Variants in MGST1 observed in about 807,000 individuals in gnomAD.
MGST1 encodes the protein glutathione S-transferase 12.
In MGST1, 5 loss-of-function variants were observed where a neutral mutation model predicts 8.9. That is an observed-to-expected ratio of 0.56 (90% CI 0.29 to 1.19). MGST1 has a LOEUF of 1.19. Among genes scored for constraint, MGST1 ranks in the 50% most tolerant of loss-of-function variants. The probability of loss-of-function intolerance (pLI) is 0.08; values close to 1 mark genes in which losing one functional copy is unlikely to be tolerated. For missense variants in MGST1, 182 were observed against 187.4 expected (o/e 0.97, Z 0.17); for synonymous variants, 54 against 67.8 (o/e 0.80, Z 1.00).
At position 16,363,561 on chromosome 12, in the gene MGST1, C is replaced by T; in HGVS notation, c.222-234C>T. 1 of 299,210 alleles carries T rather than the reference C, an allele frequency of 3.3e-6. No homozygotes were observed. The allele number at this position is 299,210 out of a possible 1,614,324, so 18.5% of individuals were successfully genotyped here. A position where few individuals can be genotyped will look rare whatever the true frequency, so the allele number is the denominator to read the frequency against. On this transcript the variant is annotated intron_variant, in intron 3 of 3. Coordinates refer to ENST00000396210, the MANE Select transcript of MGST1 (RefSeq NM_020300.5). This position sits in a 1 kb window ranked among gnomAD's most constrained non-coding sequence, Gnocchi z 4.6. ...TGATATTCTAGGAACTACAAAATGCCTTCTGTGATATTTAAAGATACACTA... is the reference window on the plus strand; with the variant it reads ...TGATATTCTAGGAACTACAAAATGCTTTCTGTGATATTTAAAGATACACTA...
At chr12:16,349,990 C>T (rs1229364493) in intron 1 of MGST1, among the ~76,000 whole-genome samples, 1 of 152,098 alleles carries the variant, frequency 6.6e-6, no homozygotes, top group African/African-American at 2.4e-5. Context: ...GTGATCTGCC[C>T]GCCTCCGGCT....
chr12:16,521,532 A>G (rs1242021896), intron 4 of MGST1, among the ~76,000 whole-genome samples: 1 of 152,100 alleles, frequency 6.6e-6, no homozygotes, highest in Admixed American at 6.6e-5. Flanking sequence ...AATTCAATAC[A>G]TTTTACCCTA....
At chr12:16,400,559 T>C in intron 1 of MGST1, 1 of 900,254 alleles carries the variant, frequency 1.1e-6, no homozygotes. Flanking sequence ...TCTTTAATAA[T>C]TCGGAAAGCA....
chr12:16,509,832 G>T (rs557914322), intron 4 of MGST1, among the ~76,000 whole-genome samples: 2 of 152,094 alleles, frequency 1.3e-5, no homozygotes, highest in Non-Finnish European at 2.9e-5. Context: ...ATTTGGATAC[G>T]TTTAGGTAGG....
chr12:16,537,647 G>C lies in MGST1; in HGVS notation n.483-51881G>C, dbSNP rs1328117953. 1.3e-5 allele frequency among the ~76,000 whole-genome samples: 2 copies of C among 152,194 alleles called. No individual in the cohort carries two copies. The highest frequency in any genetic ancestry group is 2.9e-5 in the Non-Finnish European group (2 of 68,042). On this transcript the variant is annotated intron_variant and non_coding_transcript_variant, in intron 4 of 4. Transcript: ENST00000538857. This position sits in a 1 kb window ranked among gnomAD's most constrained non-coding sequence, Gnocchi z 4.6. ...TCCCAAACCTCAATTCTTGACTTCTGTGCACCTGCAGACTCAACACCATGT... is the reference window on the plus strand; with the variant it reads ...TCCCAAACCTCAATTCTTGACTTCTCTGCACCTGCAGACTCAACACCATGT...
At chr12:16,506,289 T>G (rs1941537711) in intron 4 of MGST1, among the ~76,000 whole-genome samples, 1 of 152,146 alleles carries the variant, frequency 6.6e-6, no homozygotes, top group Non-Finnish European at 1.5e-5. Context: ...ACACAGTGGT[T>G]TGTAGTACAG....
At chr12:16,449,850 C>T (rs527781237) in intron 4 of MGST1, among the ~76,000 whole-genome samples, 7 of 152,036 alleles carry the variant, frequency 4.6e-5, no homozygotes, top group Non-Finnish European at 4.4e-5. Flanking sequence ...AGTGAGAATA[C>T]TCAAAAGGCA....
intron 1 of MGST1, among the ~76,000 whole-genome samples, chr12:16,417,252 G>A (rs1287297515): frequency 1.3e-5 from 2 of 152,246 alleles, no homozygotes; most frequent in South Asian, 2.1e-4. Context: ...CATGGTGGCA[G>A]GAGAGGGAAG....
At chr12:16,394,534 C>G (rs1591716196) in intron 1 of MGST1, among the ~76,000 whole-genome samples, 1 of 57,720 alleles carries the variant, frequency 1.7e-5, no homozygotes, top group Non-Finnish European at 3.2e-5. Context: ...TTCTTTCTTT[C>G]TTTCTTTCTT....
chr12:16,395,271 G>A (rs1180636244), intron 1 of MGST1, among the ~76,000 whole-genome samples: 1 of 151,856 alleles, frequency 6.6e-6, no homozygotes, highest in Non-Finnish European at 1.5e-5. Context: ...TTTTCACTTA[G>A]TTGCAATAAA....
At chr12:16,512,997 A>T (rs1251677588) in intron 4 of MGST1, among the ~76,000 whole-genome samples, 2 of 152,304 alleles carry the variant, frequency 1.3e-5, no homozygotes, top group African/African-American at 2.4e-5. Flanking sequence ...GTCTCTAGGG[A>T]CCTCAGAGTA....
Position 16,413,901 on chromosome 12 carries a change from G to T in MGST1, n.779-23487G>T, listed in dbSNP as rs1315089173. Among the ~76,000 whole-genome samples the T allele has an allele frequency of 6.6e-6, 1 of 152,074 alleles. No individual in the cohort carries two copies. ...AGTATACATATATTAATATGAATAT[G>T]TGAATGTATATTATTTTCTTCTTAC... On this transcript the variant is annotated intron_variant and non_coding_transcript_variant, in intron 1 of 1. Coordinates refer to the MGST1 transcript ENST00000359720. The surrounding 1 kb of genome is among the most constrained non-coding windows in gnomAD (Gnocchi z 4.0).
chr12:16,434,523 TGAGA>T (rs1284452267), intron 1 of MGST1, among the ~76,000 whole-genome samples: 1 of 151,990 alleles, frequency 6.6e-6, no homozygotes, highest in Non-Finnish European at 1.5e-5. Flanking sequence ...TGCTGGATAC[TGAGA>T]GAGACTCTTA....
intron 4 of MGST1, among the ~76,000 whole-genome samples, chr12:16,533,032 C>G (rs928381112): frequency 2.6e-5 from 4 of 152,190 alleles, no homozygotes; most frequent in Non-Finnish European, 4.4e-5. Flanking sequence ...CTTTCGCCTT[C>G]ACAGAACCTC....
chr12:16,539,916 T>C (rs1055740970), intron 4 of MGST1, among the ~76,000 whole-genome samples: 93 of 152,234 alleles, frequency 6.1e-4, no homozygotes, highest in African/African-American at 2.2e-3. Flanking sequence ...CTCCTCTACA[T>C]ACTAGTTTAA....
intron 4 of MGST1, among the ~76,000 whole-genome samples, chr12:16,480,465 A>C (rs1015577287): frequency 6.6e-6 from 1 of 152,210 alleles, no homozygotes; most frequent in Non-Finnish European, 1.5e-5. Context: ...TAAAAGACAC[A>C]GTTGAGAAAA....
At chr12:16,349,450 G>T (rs1939356538) in intron 1 of MGST1, among the ~76,000 whole-genome samples, 1 of 152,148 alleles carries the variant, frequency 6.6e-6, no homozygotes, top group Non-Finnish European at 1.5e-5. Context: ...AGAATTCTTA[G>T]CCTTGATGGT....
intron 4 of MGST1, among the ~76,000 whole-genome samples, chr12:16,557,866 G>A (rs1942251532): frequency 6.6e-6 from 1 of 151,984 alleles, no homozygotes; most frequent in African/African-American, 2.4e-5. Flanking sequence ...TGGTGGTGCT[G>A]AAATCTGAAT....
intron 4 of MGST1, among the ~76,000 whole-genome samples, chr12:16,524,252 A>G (rs1941667352): frequency 6.6e-6 from 1 of 152,106 alleles, no homozygotes; most frequent in Admixed American, 6.6e-5. Context: ...TAATATTCAT[A>G]TCTATAAACA....
Sources: gnomAD v4.1 joint callset for allele counts (sites outside exome capture counted in the v4.1 genomes callset) on GRCh38, gnomAD v4.1.1 for gene constraint, Gnocchi (gnomAD v3.1) non-coding constraint, MANE v1.5 for transcripts, NCBI Gene and HGNC (gene_info 2026-07-23, HGNC 2026-07-21) for gene names.